Variants in LHFPL1 observed in about 807,000 individuals in gnomAD.
The protein encoded by LHFPL1 is LHFPL tetraspan subfamily member 1, also known as LHFPL tetraspan subfamily member 1 protein.
Under a neutral mutation model 12.1 loss-of-function variants are expected in LHFPL1, and 4 were observed. The observed-to-expected ratio is 0.33, with a 90% CI of 0.16 to 0.76. LHFPL1 has a LOEUF of 0.76. LHFPL1 is among the 30% of genes least tolerant of loss of function. The pLI is 0.61. For synonymous variants in LHFPL1, 52 were observed against 61.9 expected, an observed-to-expected ratio of 0.84 and a Z score of 0.75; for missense variants, 141 against 174.1, an observed-to-expected ratio of 0.81 and a Z score of 1.07.
intron 3 of LHFPL1, among the ~76,000 whole-genome samples, chrX:112,646,207 A>C (rs1267460394): frequency 9.0e-6 from 1 of 110,626 alleles, no homozygotes; most frequent in Non-Finnish European, 1.9e-5. Context: ...GGTCAGGTAC[A>C]TAATTTTCCA....
intron 3 of LHFPL1, chrX:112,648,734 C>T (rs1036922586): frequency 9.0e-6 from 1 of 111,400 alleles, no homozygotes; most frequent in Non-Finnish European, 1.9e-5. Context: ...AAAATTTCAA[C>T]ATTAAAAAAA....
Position 112,636,429 on chromosome X carries a change from C to A in LHFPL1, c.482-4828G>T, listed in dbSNP as rs545987882. On this transcript the variant is annotated intron_variant, in intron 3 of 3. Transcript: ENST00000371968. ...TGAGCAATCCTCATGTAGACAAACA[C>A]CAGATATTTATACTTTAAATTCTAT... is the stretch of plus-strand genomic sequence containing the variant. Among the ~76,000 whole-genome samples, 25 of 112,224 alleles carry A rather than the reference C, an allele frequency of 2.2e-4. No individual in the cohort carries two copies. In the South Asian group the frequency reaches 9.4e-3, roughly 42 times the overall value.
chrX:112,667,501 G>C (rs1168534900), intron 2 of LHFPL1, among the ~76,000 whole-genome samples: 1 of 112,462 alleles, frequency 8.9e-6, no homozygotes, highest in Non-Finnish European at 1.9e-5. Context: ...CCTCCCATGA[G>C]TAACCTGATT....
Position 112,631,363 on chromosome X carries a change from C to A in LHFPL1, c.*57G>T. The A allele has an allele frequency of 9.3e-7, 1 of 1,073,116 alleles. No individual in the cohort carries two copies. Among genetic ancestry groups the A allele is most frequent in the Non-Finnish European group, 1.3e-6 (1 of 786,430 alleles). 88.4% of individuals were successfully genotyped at this position (1,073,116 alleles called of 1,213,427 possible). On this transcript the variant is annotated 3_prime_UTR_variant, in exon 4 of 4. Transcript: ENST00000371968. The stretch of plus-strand genomic sequence containing the variant: ...ATGACAAATGGCCTAATCCTTAGTA[C>A]CTCTTTTCAGGGCTCCCTCCTCCCC...
At chrX:112,671,565 T>C (rs1366010370) in intron 1 of LHFPL1, 161 bp from the exon 2 acceptor site, 1 of 1,087,792 alleles carries the variant, frequency 9.2e-7, no homozygotes, top group African/African-American at 1.9e-5. Flanking sequence ...GAGGACCATT[T>C]GGATCCCTGT....
intron 2 of LHFPL1, among the ~76,000 whole-genome samples, chrX:112,663,073 C>A (rs1312689018): frequency 9.0e-6 from 1 of 111,174 alleles, no homozygotes; most frequent in Non-Finnish European, 1.9e-5. Context: ...GTAGAGGGAA[C>A]CTTCCATCTT....
At chrX:112,673,537 A>G (rs1259477384) in intron 1 of LHFPL1, among the ~76,000 whole-genome samples, 1 of 111,981 alleles carries the variant, frequency 8.9e-6, no homozygotes, top group African/African-American at 3.2e-5. Context: ...AGCCCAGGCC[A>G]GAGGAGGAGA....
chrX:112,648,547 T>G (rs764807947), intron 3 of LHFPL1: 1 of 111,518 alleles, frequency 9.0e-6, no homozygotes, highest in South Asian at 3.8e-4. Context: ...GCTGATCATT[T>G]TATTTTAATT....
At chrX:112,636,088 G>A (rs1033665821) in intron 3 of LHFPL1, among the ~76,000 whole-genome samples, 17 of 111,030 alleles carry the variant, frequency 1.5e-4, no homozygotes, top group African/African-American at 3.9e-4. Context: ...TAACACCCTG[G>A]CTTCTACCCA....
At chrX:112,651,911 T>A (rs1002056221) in intron 3 of LHFPL1, among the ~76,000 whole-genome samples, 21 of 112,706 alleles carry the variant, frequency 1.9e-4, no homozygotes, top group Non-Finnish European at 3.4e-4. Context: ...GTCCTTATAT[T>A]CTGACTAATG....
chrX:112,663,651 T>C (rs2147723090), intron 2 of LHFPL1, among the ~76,000 whole-genome samples: 1 of 112,391 alleles, frequency 8.9e-6, no homozygotes, highest in East Asian at 2.8e-4. Flanking sequence ...ATGCCCTTTT[T>C]CCCCGATCAA....
intron 3 of LHFPL1, among the ~76,000 whole-genome samples, chrX:112,650,262 C>A (rs1259384392): frequency 9.0e-6 from 1 of 111,553 alleles, no homozygotes; most frequent in Non-Finnish European, 1.9e-5. Context: ...TCTCTCTCCA[C>A]TACAGGATCA....
At chrX:112,646,588 C>A (rs1930695313) in intron 3 of LHFPL1, among the ~76,000 whole-genome samples, 1 of 110,577 alleles carries the variant, frequency 9.0e-6, no homozygotes, top group Admixed American at 9.7e-5. Flanking sequence ...ATTTAGGTTC[C>A]TTTATTAGTG....
chrX:112,633,177 C>T (rs777932251), intron 3 of LHFPL1, among the ~76,000 whole-genome samples: 3 of 112,013 alleles, frequency 2.7e-5, no homozygotes, highest in East Asian at 5.6e-4. Context: ...TGTTTCTTTT[C>T]GTGATTATGC....
intron 3 of LHFPL1, among the ~76,000 whole-genome samples, chrX:112,643,421 C>T: frequency 9.2e-6 from 1 of 108,591 alleles, no homozygotes. Flanking sequence ...TTACTTGACT[C>T]ACAGTTCCAC....
At chrX:112,670,043 G>GA (rs1225009330) in intron 2 of LHFPL1, among the ~76,000 whole-genome samples, 2 of 111,581 alleles carry the variant, frequency 1.8e-5, no homozygotes, top group African/African-American at 3.3e-5. Flanking sequence ...GCAACTTGGT[G>GA]AAAAAAACAG....
intron 2 of LHFPL1, among the ~76,000 whole-genome samples, chrX:112,670,412 G>C (rs1602694435): frequency 1.8e-5 from 2 of 112,333 alleles, no homozygotes; most frequent in African/African-American, 6.5e-5. Flanking sequence ...ATGAGGGGAA[G>C]GACAAGTAAG....
At chrX:112,671,960 A>C (rs1931520793) in intron 1 of LHFPL1, among the ~76,000 whole-genome samples, 1 of 111,648 alleles carries the variant, frequency 9.0e-6, no homozygotes, top group South Asian at 3.8e-4. Context: ...ACAGAGTTAC[A>C]GGTTGTTCCC....
chrX:112,630,999 G>C lies in LHFPL1; in HGVS notation c.*421C>G, dbSNP rs184829945. On this transcript the variant is annotated 3_prime_UTR_variant, in exon 4 of 4. Transcript: ENST00000371968. Reference sequence around the variant, plus strand: ...TACTCCTGATAACGACACAAAAATTGAGCAGTAGTACTCCAGAGATGTTTG... The same window carrying C: ...TACTCCTGATAACGACACAAAAATTCAGCAGTAGTACTCCAGAGATGTTTG... 75 of 114,593 alleles carry C rather than the reference G, an allele frequency of 6.5e-4. No individual in the cohort carries two copies. Among genetic ancestry groups the C allele is most frequent in the African/African-American group, 2.4e-3 (74 of 30,786 alleles). 9.4% of individuals were successfully genotyped at this position (114,593 alleles called of 1,213,427 possible). A position where few individuals can be genotyped will look rare whatever the true frequency, so the allele number is the denominator to read the frequency against.
Sources: allele counts gnomAD v4.1 joint callset (sites outside exome capture counted in the v4.1 genomes callset), GRCh38; gene constraint gnomAD v4.1.1; transcripts MANE v1.5; gene names NCBI Gene and HGNC (gene_info 2026-07-23, HGNC 2026-07-21).